The following ADARB2 variants were observed in gnomAD, a reference collection of about 807,000 sequenced individuals.
The protein encoded by ADARB2 is inactive double-stranded RNA-specific editase B2.
In ADARB2, 25 loss-of-function variants were observed where a neutral mutation model predicts 62.2. That is an observed-to-expected ratio of 0.40 (90% confidence interval 0.29 to 0.56). The LOEUF (loss-of-function observed/expected upper bound fraction) is 0.56, where lower values mean the gene tolerates loss of function less well. ADARB2 is among the 20% of genes least tolerant of loss of function. The pLI, the probability that ADARB2 is intolerant of heterozygous loss-of-function variation, is 0.43. For synonymous variants in ADARB2, 572 were observed against 500.8 expected, an observed-to-expected ratio of 1.14 and a Z score of -1.90; for missense variants, 1,071 against 1,077.4, an observed-to-expected ratio of 0.99 and a Z score of 0.08.
At chr10:1,328,539 A>T (rs1454314147) in intron 3 of ADARB2, among the ~76,000 whole-genome samples, 2 of 152,136 alleles carry the variant, frequency 1.3e-5, no homozygotes, top group Admixed American at 6.5e-5. Context: ...ACATTATTAC[A>T]TACTTCAATT....
intron 1 of ADARB2, among the ~76,000 whole-genome samples, chr10:1,443,835 TG>T (rs964536770): frequency 6.6e-6 from 1 of 152,232 alleles, no homozygotes; most frequent in African/African-American, 2.4e-5. Flanking sequence ...TATCTTTTTC[TG>T]GAGAGTATTA....
intron 3 of ADARB2, among the ~76,000 whole-genome samples, chr10:1,297,302 G>C (rs577275971): frequency 6.6e-6 from 1 of 152,176 alleles, no homozygotes; most frequent in Non-Finnish European, 1.5e-5. Flanking sequence ...TTATGGACCC[G>C]CAGGTGTTAT....
chr10:1,599,250 G>A (rs1460157522), intron 1 of ADARB2, among the ~76,000 whole-genome samples: 1 of 152,196 alleles, frequency 6.6e-6, no homozygotes, highest in Non-Finnish European at 1.5e-5. Context: ...TGGAAAGGCC[G>A]TGGAGAATCT....
intron 1 of ADARB2, among the ~76,000 whole-genome samples, chr10:1,541,497 T>C (rs200764119): frequency 0.11 from 2,452 of 22,458 alleles, 348 homozygotes; most frequent in East Asian, 0.45. Context: ...ATCACAGCCG[T>C]CCAGACCCCA....
At chr10:1,675,218 A>G (rs1424452787) in intron 1 of ADARB2, 3 of 965,958 alleles carry the variant, frequency 3.1e-6, no homozygotes, top group Non-Finnish European at 3.6e-6. Context: ...GGGTTCAGGG[A>G]TGCATGGATG....
At chr10:1,629,362 C>A (rs566054537) in intron 1 of ADARB2, among the ~76,000 whole-genome samples, 7 of 152,172 alleles carry the variant, frequency 4.6e-5, no homozygotes, top group African/African-American at 1.7e-4. Flanking sequence ...TTGGTGGAGA[C>A]CTCCTCATCG....
intron 1 of ADARB2, among the ~76,000 whole-genome samples, chr10:1,456,198 G>A (rs546726513): frequency 1.3e-5 from 2 of 152,236 alleles, no homozygotes; most frequent in Non-Finnish European, 1.5e-5. Flanking sequence ...CTTTTTAGAC[G>A]TTATCTACTA....
chr10:1,567,690 G>A (rs1832875528), intron 1 of ADARB2, among the ~76,000 whole-genome samples: 1 of 152,230 alleles, frequency 6.6e-6, no homozygotes, highest in Admixed American at 6.5e-5. Context: ...CTTCGAGGCT[G>A]CTGATGCTCG....
chr10:1,233,994 G>T (rs532849246), intron 5 of ADARB2, 149 bp from the exon 6 acceptor site: 2 of 903,408 alleles, frequency 2.2e-6, no homozygotes. Context: ...TTTTTGAGAC[G>T]GAGTCTTGTT....
intron 7 of ADARB2, among the ~76,000 whole-genome samples, chr10:1,214,544 GC>G (rs1273088006): frequency 4.7e-4 from 72 of 152,128 alleles, no homozygotes; most frequent in Admixed American, 2.0e-3. Flanking sequence ...TTGCACCTGT[GC>G]CTGGACCTGC....
intron 1 of ADARB2, among the ~76,000 whole-genome samples, chr10:1,580,434 G>C (rs1030640415): frequency 6.6e-6 from 1 of 151,130 alleles, no homozygotes; most frequent in Admixed American, 6.6e-5. Flanking sequence ...GTGTATATAT[G>C]TTGGTCTGGC....
At chr10:1,380,017 G>C (rs1832468692) in intron 1 of ADARB2, among the ~76,000 whole-genome samples, 2 of 152,358 alleles carry the variant, frequency 1.3e-5, no homozygotes, top group African/African-American at 2.4e-5. Flanking sequence ...GGATCCAAAA[G>C]AAAAGCTCCT....
chr10:1,478,722 AC>A (rs1415145858), intron 1 of ADARB2, among the ~76,000 whole-genome samples: 1 of 150,914 alleles, frequency 6.6e-6, no homozygotes, highest in Non-Finnish European at 1.5e-5. Context: ...CAAAACAAGG[AC>A]CCTCGGACGG....
At chr10:1,190,381 G>A (rs893822810) in intron 8 of ADARB2, among the ~76,000 whole-genome samples, 1 of 150,738 alleles carries the variant, frequency 6.6e-6, no homozygotes, top group Non-Finnish European at 1.5e-5. Flanking sequence ...TGCACCTCCT[G>A]CCTTCGGTGT....
rs547606791 is a variant in ADARB2 at position 1,369,531 on chromosome 10, G to A, written c.188-5614C>T. Among the ~76,000 whole-genome samples the A allele has an allele frequency of 6.3e-4, 96 of 152,282 alleles. No individual in the cohort carries two copies. The South Asian group carries it at 1.0e-2, about 16-fold the overall frequency. Reference sequence around the variant, plus strand: ...GCTGGCCAGCAGGGAAGATGATAGCGGCTGTTACCCACACAAAAGGCAGTG... The same window carrying A: ...GCTGGCCAGCAGGGAAGATGATAGCAGCTGTTACCCACACAAAAGGCAGTG... On this transcript the variant is annotated intron_variant, in intron 2 of 9. Coordinates refer to ENST00000381312, the MANE Select transcript of ADARB2 (RefSeq NM_018702.4).
chr10:1,423,016 C>T (rs1832864301), intron 1 of ADARB2, among the ~76,000 whole-genome samples: 1 of 152,184 alleles, frequency 6.6e-6, no homozygotes, highest in Middle Eastern at 3.2e-3. Flanking sequence ...CCTGTGTTCC[C>T]ATTTTATGGA....
intron 1 of ADARB2, among the ~76,000 whole-genome samples, chr10:1,521,858 A>G (rs1216024010): frequency 7.7e-6 from 1 of 130,168 alleles, no homozygotes. Flanking sequence ...TCTTAAATGT[A>G]TTTGATTGAA....
At chr10:1,712,297 AAC>A (rs1310890749) in intron 1 of ADARB2, among the ~76,000 whole-genome samples, 2 of 152,240 alleles carry the variant, frequency 1.3e-5, no homozygotes, top group African/African-American at 4.8e-5. Context: ...GCAGAAATGC[AAC>A]AGTTTATTAT....
chr10:1,537,399 T>G (rs1832346484), intron 1 of ADARB2, among the ~76,000 whole-genome samples: 1 of 152,240 alleles, frequency 6.6e-6, no homozygotes, highest in Non-Finnish European at 1.5e-5. Flanking sequence ...CAGAAGACAG[T>G]GCAACAATTC....
Sources: gnomAD v4.1 joint callset for allele counts (sites outside exome capture counted in the v4.1 genomes callset) on GRCh38, gnomAD v4.1.1 for gene constraint, MANE v1.5 for transcripts, NCBI Gene and HGNC (gene_info 2026-07-23, HGNC 2026-07-21) for gene names.